DOCK8: variants seen among roughly 807,000 people sequenced by gnomAD.
DOCK8 encodes the protein dedicator of cytokinesis protein 8.
Under a neutral mutation model 245.6 loss-of-function variants are expected in DOCK8, and 141 were observed. The observed-to-expected ratio is 0.57, with a 90% confidence interval of 0.50 to 0.66. The LOEUF (loss-of-function observed/expected upper bound fraction) is 0.66. DOCK8 is among the 30% of genes least tolerant of loss of function. The probability of loss-of-function intolerance (pLI) is 0.00; values close to 1 mark genes in which losing one functional copy is unlikely to be tolerated. For missense variants in DOCK8, 2,965 were observed against 2,603.4 expected, an observed-to-expected ratio of 1.14 and a Z score of -3.02; for synonymous variants, 1,168 against 970.2, an observed-to-expected ratio of 1.20 and a Z score of -3.79.
chr9:328,749 T>A (rs2050872531), intron 9 of DOCK8, among the ~76,000 whole-genome samples: 1 of 151,778 alleles, frequency 6.6e-6, no homozygotes, highest in Non-Finnish European at 1.5e-5. Flanking sequence ...TCTTACCATG[T>A]CACAGACTGT....
intron 6 of DOCK8, among the ~76,000 whole-genome samples, chr9:315,746 T>C (rs1352631678): frequency 2.0e-5 from 3 of 152,210 alleles, no homozygotes; most frequent in Non-Finnish European, 2.9e-5. Context: ...TGGTTCTTCA[T>C]TGCATTGCTC....
rs2056643267 is a variant in DOCK8 at position 429,811 on chromosome 9, C to T, written c.4583C>T (p.Ala1528Val). ...SMDVTRSQAC[A>V]TLYLLMRFSF... ...GATGTCACCCGGAGCCAAGCCTGTG[C>T]CACCCTTTACCTCCTCATGAGGTTC... The change falls in exon 36 of 48, where the codon GCC becomes GTC. Residue 1528 changes from alanine (A) to valine (V), a missense_variant. Ala to Val is a moderately conservative substitution (Grantham distance 64). This residue lies in a region of DOCK8 where 2,825 missense variants were observed against 2,453.5 expected (regional missense o/e 1.15). Transcript: ENST00000432829. 6.2e-7 allele frequency: 1 copy of T among 1,614,198 alleles called. No homozygotes were observed. The highest frequency in any genetic ancestry group is 8.5e-7 in the Non-Finnish European group (1 of 1,180,032).
chr9:366,503 C>T (rs1235354763), intron 14 of DOCK8: 1 of 152,176 alleles, frequency 6.6e-6, no homozygotes, highest in Non-Finnish European at 1.5e-5. Context: ...TTGAGAATCC[C>T]TGTGCCCTAA....
rs145071430 is a variant in DOCK8, at chr9:438,860, G to C, written c.5080-385G>C. 5.0e-3 allele frequency among the ~76,000 whole-genome samples: 758 copies of C among 152,320 alleles called. 6 individuals are homozygous for C. Among genetic ancestry groups the C allele is most frequent in the African/African-American group, 0.017 (687 of 41,568 alleles). On this transcript the variant is annotated intron_variant, in intron 39 of 47. Coordinates refer to ENST00000432829, the MANE Select transcript of DOCK8 (RefSeq NM_203447.4). ...ATACTTCAGAAAAACACCACTGTAAGTCAGAGGTCCACTCGGTGAAACAGG... is the reference window on the plus strand; with the variant it reads ...ATACTTCAGAAAAACACCACTGTAACTCAGAGGTCCACTCGGTGAAACAGG...
chr9:418,112 C>G lies in DOCK8; in HGVS notation c.3745C>G (p.Gln1249Glu). The change falls in exon 30 of 48, where the codon CAA becomes GAA. Residue 1249 changes from glutamine (Q) to glutamate (E), a missense_variant. Gln to Glu is a conservative substitution (Grantham distance 29). This residue lies in a region of DOCK8 where 2,825 missense variants were observed against 2,453.5 expected (regional missense o/e 1.15). Transcript: ENST00000432829. ...RYRTSGSDEE[Q>E]EGAGAINQNV... is the part of the protein sequence containing the mutation. Reference sequence around the variant, plus strand: ...CCGCACCAGTGGCTCGGATGAAGAACAAGAAGGAGCCGGTGCCATTAACCA... The same window carrying G: ...CCGCACCAGTGGCTCGGATGAAGAAGAAGAAGGAGCCGGTGCCATTAACCA... 6.2e-7 allele frequency: 1 copy of G among 1,614,170 alleles called. No individual in the cohort carries two copies. The highest frequency in any genetic ancestry group is 8.5e-7 in the Non-Finnish European group (1 of 1,180,026).
intron 1 of DOCK8, among the ~76,000 whole-genome samples, chr9:237,257 T>G (rs1287756087): frequency 6.6e-6 from 1 of 152,258 alleles, no homozygotes; most frequent in Admixed American, 6.5e-5. Flanking sequence ...CAAGTACAGC[T>G]GAAGCACCTG....
At chr9:304,876 ATTGGTGT>A (rs2049741468) in intron 5 of DOCK8, among the ~76,000 whole-genome samples, 172 bp downstream of exon 5, 1 of 152,196 alleles carries the variant, frequency 6.6e-6, no homozygotes, top group African/African-American at 2.4e-5. Context: ...AGCTGTAGAA[ATTGGTGT>A]TCAAATGAAA....
chr9:315,980 T>C (rs1240736270), intron 6 of DOCK8, among the ~76,000 whole-genome samples: 1 of 152,108 alleles, frequency 6.6e-6, no homozygotes, highest in Non-Finnish European at 1.5e-5. Context: ...ATGTCTCCTC[T>C]GAAATAAACT....
intron 26 of DOCK8, among the ~76,000 whole-genome samples, chr9:400,301 T>TCACCACCACCAC (rs1564013300): frequency 1.3e-4 from 1 of 7,648 alleles, no homozygotes; most frequent in Non-Finnish European, 2.0e-4. Context: ...ACCACCACCA[T>TCACCACCACCAC]CTTCACCGTC....
At chr9:442,762 T>G (rs1340967661) in intron 42 of DOCK8, among the ~76,000 whole-genome samples, 2 of 152,132 alleles carry the variant, frequency 1.3e-5, no homozygotes, top group African/African-American at 2.4e-5. Flanking sequence ...CTGGGGTCCT[T>G]TGAACTGCTC....
chr9:272,227 C>G (rs1403251009), intron 2 of DOCK8, among the ~76,000 whole-genome samples: 2 of 152,090 alleles, frequency 1.3e-5, no homozygotes. Context: ...TTTCCTCAGT[C>G]AAGATATAGA....
Position 386,320 on chromosome 9 carries a change from G to T in DOCK8, c.2779-11G>T. 6.2e-7 allele frequency: 1 copy of T among 1,612,036 alleles called. No individual in the cohort carries two copies. The highest frequency in any genetic ancestry group is 8.5e-7 in the Non-Finnish European group (1 of 1,178,420). On this transcript the variant is annotated splice_polypyrimidine_tract_variant and intron_variant, in intron 22 of 47. Coordinates refer to ENST00000432829, the MANE Select transcript of DOCK8 (RefSeq NM_203447.4). ...TTGGTTGACTGTTAAGCCATGGTTTGTGTATTTTAGATCGCCGATCGCAAC... is the reference window on the plus strand; with the variant it reads ...TTGGTTGACTGTTAAGCCATGGTTTTTGTATTTTAGATCGCCGATCGCAAC...
In DOCK8 at chr9:445,646, C is replaced by T. The variant is rs573240030; in HGVS notation, c.5581-724C>T. On this transcript the variant is annotated intron_variant, in intron 43 of 47. Coordinates refer to ENST00000432829, the MANE Select transcript of DOCK8 (RefSeq NM_203447.4). ...TTGGTAGTCCATGTTGCAATAGTTCCTTCCTTTCCGTTGCTGAGTAGTATT... is the reference window on the plus strand; with the variant it reads ...TTGGTAGTCCATGTTGCAATAGTTCTTTCCTTTCCGTTGCTGAGTAGTATT... Among the ~76,000 whole-genome samples, 24 of 152,288 alleles carry T rather than the reference C, an allele frequency of 1.6e-4. No homozygotes were observed. The South Asian group carries it at 4.3e-3, about 28-fold the overall frequency.
chr9:247,902 A>C (rs2047544351), intron 1 of DOCK8, among the ~76,000 whole-genome samples: 1 of 152,074 alleles, frequency 6.6e-6, no homozygotes, highest in Non-Finnish European at 1.5e-5. Flanking sequence ...TATCATTAAT[A>C]AATAAACTAA....
chr9:222,654 A>C (rs1324350127), intron 1 of DOCK8, among the ~76,000 whole-genome samples: 1 of 152,214 alleles, frequency 6.6e-6, no homozygotes, highest in Non-Finnish European at 1.5e-5. Flanking sequence ...TTTAGGGATT[A>C]AAATAGTCAT....
intron 5 of DOCK8, among the ~76,000 whole-genome samples, chr9:305,521 G>A (rs2049785405): frequency 6.6e-6 from 1 of 152,284 alleles, no homozygotes; most frequent in East Asian, 1.9e-4. Flanking sequence ...TCCTGACCTT[G>A]TGATCCGCCC....
At chr9:460,064 GC>G (rs1254897028) in intron 46 of DOCK8, 1 of 152,182 alleles carries the variant, frequency 6.6e-6, no homozygotes, top group Non-Finnish European at 1.5e-5. Context: ...CACTCCAGAA[GC>G]ATCTGTTTGC....
At chr9:282,622 C>CT (rs2048640381) in intron 2 of DOCK8, among the ~76,000 whole-genome samples, 1 of 151,790 alleles carries the variant, frequency 6.6e-6, no homozygotes, top group African/African-American at 2.4e-5. Context: ...CAGAGTCTCA[C>CT]TTTTTTGCCC....
intron 42 of DOCK8, among the ~76,000 whole-genome samples, chr9:443,204 G>A (rs1321813897): frequency 6.6e-6 from 1 of 152,132 alleles, no homozygotes; most frequent in Non-Finnish European, 1.5e-5. Context: ...TGAATTAGAG[G>A]CCAAGCATAC....
Sources: gnomAD v4.1 joint callset for allele counts (sites outside exome capture counted in the v4.1 genomes callset) on GRCh38, gnomAD v4.1.1 for gene constraint, gnomAD v4.1.1 regional missense constraint, MANE v1.5 for transcripts, NCBI Gene and HGNC (gene_info 2026-07-23, HGNC 2026-07-21) for gene names.